The following SEMA6D variants were observed in gnomAD, a reference collection of about 807,000 sequenced individuals.
The protein encoded by SEMA6D is semaphorin 6D.
Under a neutral mutation model 106.6 loss-of-function variants are expected in SEMA6D, and 35 were observed. That is an observed-to-expected ratio of 0.33 (90% confidence interval 0.25 to 0.44). SEMA6D has a LOEUF of 0.44. Among genes scored for constraint, SEMA6D ranks in the 20% least tolerant of loss-of-function variants. The pLI is 1.00. For synonymous variants in SEMA6D, 499 were observed against 487.7 expected (o/e 1.02, Z -0.31); for missense variants, 1,185 against 1,345.9 (o/e 0.88, Z 1.87).
chr15:47,431,623 C>T (rs916858852), intron 2 of SEMA6D, among the ~76,000 whole-genome samples: 1 of 152,070 alleles, frequency 6.6e-6, no homozygotes, highest in Admixed American at 6.6e-5. Context: ...ACAGCAGGAA[C>T]ACTGTTTGGT....
At chr15:47,243,831 C>T (rs59449433) in intron 1 of SEMA6D, among the ~76,000 whole-genome samples, 10,179 of 152,098 alleles carry the variant, frequency 0.067, 1,268 homozygotes, top group East Asian at 0.59. Context: ...TTCATTAATC[C>T]GCTCATTCAT....
intron 1 of SEMA6D, among the ~76,000 whole-genome samples, chr15:47,214,734 C>T (rs1411330943): frequency 1.3e-5 from 2 of 152,144 alleles, no homozygotes; most frequent in Admixed American, 6.5e-5. Context: ...GTGATCACTT[C>T]TAATTCACCT....
chr15:47,764,351 C>T (rs182128928), intron 11 of SEMA6D, 46 bp downstream of exon 11: 11 of 1,584,026 alleles, frequency 6.9e-6, no homozygotes, highest in Admixed American at 5.4e-5. Context: ...CAAAACCTTC[C>T]GGTCATTGGA....
chr15:47,697,799 G>A (rs908381932), intron 4 of SEMA6D, among the ~76,000 whole-genome samples: 1 of 152,146 alleles, frequency 6.6e-6, no homozygotes, highest in Non-Finnish European at 1.5e-5. Flanking sequence ...CGCCTTAGGC[G>A]AAGGGCTTAT....
At chr15:47,308,314 A>C (rs994646001) in intron 1 of SEMA6D, among the ~76,000 whole-genome samples, 1 of 152,128 alleles carries the variant, frequency 6.6e-6, no homozygotes, top group Non-Finnish European at 1.5e-5. Flanking sequence ...CAGTTTCCTT[A>C]TATGCCAAAT....
intron 4 of SEMA6D, among the ~76,000 whole-genome samples, chr15:47,652,897 G>A (rs117668345): frequency 0.01 from 1,541 of 152,274 alleles, 16 homozygotes; most frequent in South Asian, 0.044. Context: ...CAATCCAGCT[G>A]CAATAAAGCT....
intron 1 of SEMA6D, among the ~76,000 whole-genome samples, chr15:47,300,013 T>G (rs181401628): frequency 6.6e-6 from 1 of 152,342 alleles, no homozygotes; most frequent in East Asian, 1.9e-4. Flanking sequence ...CAGATTAGCA[T>G]AAATTTATCC....
chr15:47,708,517 T>C (rs1048027475), intron 4 of SEMA6D, among the ~76,000 whole-genome samples: 2 of 152,248 alleles, frequency 1.3e-5, no homozygotes, highest in African/African-American at 4.8e-5. Flanking sequence ...TCTCTACCTC[T>C]GGATTTAGTA....
At chr15:47,713,974 G>A (rs1265012935), upstream of SEMA6D, among the ~76,000 whole-genome samples, 1 of 152,146 alleles carries the variant, frequency 6.6e-6, no homozygotes, top group Non-Finnish European at 1.5e-5. Flanking sequence ...TATTTATTCA[G>A]TGCTTGCTTT....
intron 1 of SEMA6D, among the ~76,000 whole-genome samples, chr15:47,199,644 T>G (rs1466667297): frequency 6.6e-6 from 1 of 152,164 alleles, no homozygotes; most frequent in South Asian, 2.1e-4. Context: ...AATTTATTTA[T>G]TCCATCTTGA....
In SEMA6D at chr15:47,217,874, T is replaced by C. The variant is rs57855061; in HGVS notation, c.-239+33456T>C. 3.2e-3 allele frequency among the ~76,000 whole-genome samples: 458 copies of C among 143,148 alleles called. 2 individuals carry two copies. The highest frequency in any genetic ancestry group is 4.5e-3 in the Non-Finnish European group (293 of 65,766). 93.9% of individuals were successfully genotyped at this position (143,148 alleles called of 152,430 possible). A position where few individuals can be genotyped will look rare whatever the true frequency, so the allele number is the denominator to read the frequency against. ...TGCTTCCTGCTTGCATGTACACACATACACACACACACACACACACACACA... is the reference window on the plus strand; with the variant it reads ...TGCTTCCTGCTTGCATGTACACACACACACACACACACACACACACACACA... On this transcript the variant is annotated intron_variant, in intron 1 of 19. Coordinates refer to the SEMA6D transcript ENST00000558014.
chr15:47,380,823 A>G (rs2039614951), intron 1 of SEMA6D, among the ~76,000 whole-genome samples: 1 of 152,224 alleles, frequency 6.6e-6, no homozygotes, highest in African/African-American at 2.4e-5. Context: ...TATTGAAATA[A>G]CTATTGTAAT....
chr15:47,681,769 T>G (rs562456561), intron 4 of SEMA6D, among the ~76,000 whole-genome samples: 121 of 152,324 alleles, frequency 7.9e-4, no homozygotes, highest in African/African-American at 2.9e-3. Context: ...TGAATTGAAA[T>G]GATGATTAAT....
At chr15:47,617,326 G>A (rs2077025090) in intron 4 of SEMA6D, among the ~76,000 whole-genome samples, 3 of 152,164 alleles carry the variant, frequency 2.0e-5, no homozygotes, top group South Asian at 4.1e-4. Context: ...ATGAAAATTA[G>A]CGAGACTAAG....
intron 2 of SEMA6D, among the ~76,000 whole-genome samples, chr15:47,456,789 G>T (rs569239125): frequency 6.6e-6 from 1 of 151,942 alleles, no homozygotes; most frequent in African/African-American, 2.4e-5. Flanking sequence ...AACAGATGGC[G>T]GTAGTCCCCC....
At chr15:47,636,398 T>A (rs2077389391) in intron 4 of SEMA6D, among the ~76,000 whole-genome samples, 1 of 152,180 alleles carries the variant, frequency 6.6e-6, no homozygotes, top group Non-Finnish European at 1.5e-5. Context: ...AGTGAAACTC[T>A]TGTTAAAACC....
intron 1 of SEMA6D, among the ~76,000 whole-genome samples, chr15:47,290,086 A>G (rs2035535139): frequency 6.6e-6 from 1 of 152,194 alleles, no homozygotes; most frequent in African/African-American, 2.4e-5. Flanking sequence ...TCCGCAGCAT[A>G]CTGCCTATGG....
At chr15:47,587,382 C>G (rs2076361143) in intron 3 of SEMA6D, among the ~76,000 whole-genome samples, 1 of 152,214 alleles carries the variant, frequency 6.6e-6, no homozygotes, top group Non-Finnish European at 1.5e-5. Context: ...GGTCCCACAG[C>G]ATTTCAGACC....
At chr15:47,400,676 A>G (rs2040369813) in intron 1 of SEMA6D, among the ~76,000 whole-genome samples, 2 of 152,174 alleles carry the variant, frequency 1.3e-5, no homozygotes, top group Non-Finnish European at 2.9e-5. Flanking sequence ...TTGGTTGTCC[A>G]AGGAGTCTTT....
Sources: gnomAD v4.1 joint callset for allele counts (sites outside exome capture counted in the v4.1 genomes callset) on GRCh38, gnomAD v4.1.1 for gene constraint, MANE v1.5 for transcripts, NCBI Gene and HGNC (gene_info 2026-07-23, HGNC 2026-07-21) for gene names.